SAMD12: variants seen among roughly 807,000 people sequenced by gnomAD.
SAMD12 encodes sterile alpha motif domain containing 12, also known as sterile alpha motif domain-containing protein 12.
In SAMD12, 9 loss-of-function variants were observed where a neutral mutation model predicts 15.0. The ratio of observed to expected loss-of-function variants is 0.60; its 90% CI spans 0.36 to 1.05. SAMD12 has a LOEUF of 1.05. SAMD12 is among the 50% of genes least tolerant of loss of function. The probability of loss-of-function intolerance (pLI) is 0.01; values close to 1 mark genes in which losing one functional copy is unlikely to be tolerated. For synonymous variants in SAMD12, 86 were observed against 90.1 expected (o/e 0.96, Z 0.25); for missense variants, 230 against 234.2 (o/e 0.98, Z 0.12).
intron 2 of SAMD12, among the ~76,000 whole-genome samples, chr8:118,498,462 A>G (rs1452809627): frequency 6.6e-6 from 1 of 152,278 alleles, no homozygotes; most frequent in Non-Finnish European, 1.5e-5. Context: ...GTATGTGGAT[A>G]GCTCCAGGCA....
At chr8:118,163,218 G>A in the SAMD12 span, among the ~76,000 whole-genome samples, 5 of 152,002 alleles carry the variant, frequency 3.3e-5, no homozygotes, top group African/African-American at 7.2e-5. Flanking sequence ...CAGTTGAGAC[G>A]ACAGGCACAC....
At chr8:118,257,215 AAATGCT>A (rs1457019519) in intron 4 of SAMD12, among the ~76,000 whole-genome samples, 5 of 152,130 alleles carry the variant, frequency 3.3e-5, no homozygotes, top group African/African-American at 1.2e-4. Flanking sequence ...AAGGGGAACT[AAATGCT>A]AGAGAAGTAG....
At chr8:118,412,259 T>A (rs532869010) in intron 3 of SAMD12, among the ~76,000 whole-genome samples, 1 of 152,164 alleles carries the variant, frequency 6.6e-6, no homozygotes, top group East Asian at 1.9e-4. Context: ...GATAGTTCAC[T>A]GATATTCAGA....
chr8:118,321,144 AATATATATATATATATATATATATAT>A lies in SAMD12; in HGVS notation c.433+58390_433+58415del, dbSNP rs4053452. Among the ~76,000 whole-genome samples, 125 of 94,504 alleles carry A rather than the reference AATATATATATATATATATATATATAT, an allele frequency of 1.3e-3. 7 individuals carry two copies. Among genetic ancestry groups the A allele is most frequent in the African/African-American group, 4.8e-3 (118 of 24,686 alleles). 62.0% of individuals were successfully genotyped at this position (94,504 alleles called of 152,430 possible). A position where few individuals can be genotyped will look rare whatever the true frequency, so the allele number is the denominator to read the frequency against. The stretch of plus-strand genomic sequence containing the variant: ...TATAACATATATATCATAGATAATA[AATATATATATATATATATATATATAT>A]ATATATATATATATATTCTTCATCA... On this transcript the variant is annotated intron_variant, in intron 4 of 4. Coordinates refer to the SAMD12 transcript ENST00000409003.
intron 2 of SAMD12, among the ~76,000 whole-genome samples, chr8:118,483,085 T>C (rs1824173917): frequency 6.6e-6 from 1 of 152,226 alleles, no homozygotes. Flanking sequence ...GCTAGCTTTA[T>C]GCAGAATATG....
intron 2 of SAMD12, among the ~76,000 whole-genome samples, chr8:118,505,064 T>C (rs1248150714): frequency 6.6e-6 from 1 of 152,220 alleles, no homozygotes; most frequent in Non-Finnish European, 1.5e-5. Context: ...AGCTACCCAA[T>C]TTGTGATAAC....
At chr8:118,182,165 C>T in the SAMD12 span, among the ~76,000 whole-genome samples, 1 of 152,162 alleles carries the variant, frequency 6.6e-6, no homozygotes, top group Non-Finnish European at 1.5e-5. Context: ...TATAAAGAGA[C>T]ATTAAGAAAT....
At chr8:118,552,329 A>T (rs1014782504) in intron 2 of SAMD12, among the ~76,000 whole-genome samples, 41 of 152,168 alleles carry the variant, frequency 2.7e-4, no homozygotes, top group Non-Finnish European at 5.0e-4. Context: ...CTTATCCACC[A>T]TGATCAAGTG....
chr8:118,556,792 G>A (rs139558940), intron 2 of SAMD12, among the ~76,000 whole-genome samples: 10 of 151,954 alleles, frequency 6.6e-5, no homozygotes, highest in South Asian at 2.1e-4. Flanking sequence ...GTGAAACCCC[G>A]TCTCTACTAA....
intron 2 of SAMD12, among the ~76,000 whole-genome samples, chr8:118,443,088 C>CT (rs1349520383): frequency 2.0e-5 from 3 of 152,142 alleles, no homozygotes; most frequent in Admixed American, 6.5e-5. Context: ...CAAGGAGTTG[C>CT]TTTGCTTTAT....
intron 4 of SAMD12, among the ~76,000 whole-genome samples, chr8:118,247,397 A>G (rs1166242642): frequency 6.6e-6 from 1 of 152,104 alleles, no homozygotes; most frequent in Non-Finnish European, 1.5e-5. Flanking sequence ...ATTTCAGAGT[A>G]GCTAAAAGAA....
chr8:118,571,618 G>T (rs1035427347), intron 2 of SAMD12, among the ~76,000 whole-genome samples: 9 of 152,188 alleles, frequency 5.9e-5, no homozygotes, highest in African/African-American at 2.2e-4. Flanking sequence ...AGCTGCTCTA[G>T]CCATAGCTGA....
intron 4 of SAMD12, among the ~76,000 whole-genome samples, chr8:118,270,559 A>G (rs968734161): frequency 2.0e-5 from 3 of 150,294 alleles, no homozygotes. Flanking sequence ...CTTCTCTTGT[A>G]AATGTTTATT....
intron 2 of SAMD12, among the ~76,000 whole-genome samples, chr8:118,468,599 C>T (rs1255501841): frequency 1.3e-5 from 2 of 152,040 alleles, no homozygotes; most frequent in Non-Finnish European, 2.9e-5. Context: ...ACTCTTTTCT[C>T]TCCTTGACTC....
In SAMD12 at chr8:118,396,101, T is replaced by C. The variant is rs1054487695; in HGVS notation, c.323-16401A>G. On this transcript the variant is annotated intron_variant, in intron 3 of 3. Coordinates refer to ENST00000314727, the MANE Select transcript of SAMD12 (RefSeq NM_207506.3). ...GCAATAAGGTGTTCAATAACTTATA[T>C]TTTAATTATGTATTGTTTCGTGTGA... Among the ~76,000 whole-genome samples the C allele has an allele frequency of 2.0e-5, 3 of 152,188 alleles. No homozygotes were observed. The South Asian group carries it at 6.2e-4, about 31-fold the overall frequency.
At chr8:118,488,439 A>G (rs2131008516) in intron 2 of SAMD12, among the ~76,000 whole-genome samples, 1 of 152,322 alleles carries the variant, frequency 6.6e-6, no homozygotes, top group South Asian at 2.1e-4. Flanking sequence ...AATATTTTGC[A>G]TATGTATACA....
At chr8:118,301,810 A>G (rs1815045581) in intron 4 of SAMD12, among the ~76,000 whole-genome samples, 1 of 152,206 alleles carries the variant, frequency 6.6e-6, no homozygotes, top group African/African-American at 2.4e-5. Flanking sequence ...AGATGGAATC[A>G]TTGCTACTAA....
rs1040429452 is a variant in SAMD12 at position 118,582,307 on chromosome 8, G to A, written c.14-1414C>T. On this transcript the variant is annotated intron_variant, in intron 1 of 3. Transcript: ENST00000314727. ...AAACAATTTGCCTGTTTCAGTCTTCGCAAGTTACACAGAAACTGATGAGAC... is the reference window on the plus strand; with the variant it reads ...AAACAATTTGCCTGTTTCAGTCTTCACAAGTTACACAGAAACTGATGAGAC... 7.2e-5 allele frequency among the ~76,000 whole-genome samples: 11 copies of A among 151,950 alleles called. No homozygotes were observed. In the East Asian group the frequency reaches 7.7e-4, roughly 11 times the overall value.
chr8:118,596,448 T>C (rs1827726216), intron 1 of SAMD12, among the ~76,000 whole-genome samples: 2 of 152,166 alleles, frequency 1.3e-5, no homozygotes, highest in South Asian at 4.1e-4. Context: ...CATCCTTCCA[T>C]TCTAAAGAAC....
Sources: allele counts gnomAD v4.1 joint callset (sites outside exome capture counted in the v4.1 genomes callset), GRCh38; gene constraint gnomAD v4.1.1; transcripts MANE v1.5; gene names NCBI Gene and HGNC (gene_info 2026-07-23, HGNC 2026-07-21).